PLA2R1: variants seen among roughly 807,000 people sequenced by gnomAD.
PLA2R1 encodes phospholipase A2 receptor 1.
Under a neutral mutation model 195.9 loss-of-function variants are expected in PLA2R1, and 158 were observed. The observed-to-expected ratio is 0.81, with a 90% CI of 0.71 to 0.92. The LOEUF is 0.92. Among genes scored for constraint, PLA2R1 ranks in the 40% least tolerant of loss-of-function variants. PLA2R1 has a pLI of 0.00. For synonymous variants in PLA2R1, 586 were observed against 598.2 expected, an observed-to-expected ratio of 0.98 and a Z score of 0.30; for missense variants, 1,626 against 1,764.6, an observed-to-expected ratio of 0.92 and a Z score of 1.41.
intron 6 of PLA2R1, among the ~76,000 whole-genome samples, chr2:160,024,702 C>T (rs1023175389): frequency 6.6e-6 from 1 of 152,156 alleles, no homozygotes; most frequent in African/African-American, 2.4e-5. Context: ...TGATGTGGTA[C>T]CCTGCATCCA....
At chr2:160,004,135 G>A (rs185202853) in intron 11 of PLA2R1, among the ~76,000 whole-genome samples, 17 of 152,242 alleles carry the variant, frequency 1.1e-4, no homozygotes, top group African/African-American at 3.4e-4. Flanking sequence ...AAGATGTAAC[G>A]GAGTACTTCC....
intron 1 of PLA2R1, among the ~76,000 whole-genome samples, chr2:160,053,579 C>A (rs1695350541): frequency 6.6e-6 from 1 of 152,198 alleles, no homozygotes; most frequent in Non-Finnish European, 1.5e-5. Flanking sequence ...TCCCACTCAG[C>A]CCTCGCAGAA....
intron 6 of PLA2R1, among the ~76,000 whole-genome samples, chr2:160,023,486 A>G (rs897599740): frequency 3.3e-5 from 5 of 152,208 alleles, no homozygotes; most frequent in Admixed American, 6.5e-5. Context: ...GTTACCCTAC[A>G]TGGTCTAAAA....
chr2:160,010,965 A>G lies in PLA2R1; in HGVS notation c.1664+2298T>C, dbSNP rs536795655. ...GGCTTGGCGGGTGACCAGGCAGCACACCAGCACAGGGCAATCTGGACAGGC... is the reference window on the plus strand; with the variant it reads ...GGCTTGGCGGGTGACCAGGCAGCACGCCAGCACAGGGCAATCTGGACAGGC... On this transcript the variant is annotated intron_variant, in intron 10 of 29. Transcript: ENST00000283243. Among the ~76,000 whole-genome samples the G allele has an allele frequency of 1.8e-4, 28 of 152,326 alleles. No homozygotes were observed. The South Asian group carries it at 5.8e-3, about 32-fold the overall frequency.
chr2:159,966,766 T>C (rs530087642), intron 20 of PLA2R1, among the ~76,000 whole-genome samples: 1 of 152,294 alleles, frequency 6.6e-6, no homozygotes, highest in East Asian at 1.9e-4. Flanking sequence ...TGACACAGTT[T>C]GGGTTTTTTA....
intron 10 of PLA2R1, among the ~76,000 whole-genome samples, chr2:160,007,317 G>A (rs566100787): frequency 2.6e-4 from 39 of 152,276 alleles, no homozygotes; most frequent in Admixed American, 9.1e-4. Flanking sequence ...AGAAGGGCGG[G>A]GTCCCTGGTT....
rs1687054235 is a variant in PLA2R1, at chr2:159,940,874, T to G, written c.*904A>C. On this transcript the variant is annotated 3_prime_UTR_variant, in exon 30 of 30. Transcript: ENST00000283243. ...TTCTAATGAGACTATAATTCAGATCTTTAGCTCTTCTCCTTTAAATCCAAG... is the reference window on the plus strand; with the variant it reads ...TTCTAATGAGACTATAATTCAGATCGTTAGCTCTTCTCCTTTAAATCCAAG... 2 of 152,192 alleles carry G rather than the reference T, an allele frequency of 1.3e-5. No individual in the cohort carries two copies. The highest frequency in any genetic ancestry group is 4.1e-4 in the South Asian group (2 of 4,834). The allele number at this position is 152,192 out of a possible 1,614,324, so 9.4% of individuals were successfully genotyped here. A position where few individuals can be genotyped will look rare whatever the true frequency, so the allele number is the denominator to read the frequency against.
rs56365741 is a variant in PLA2R1 at position 160,025,588 on chromosome 2, CAA to C, written c.1099+2628_1099+2629del. ...TGTAAGCCACATGGTAACCATAAAG[CAA>C]AAAAAAAAAAAAAAAAAAAACTATA... On this transcript the variant is annotated intron_variant, in intron 6 of 29. Transcript: ENST00000283243. 8.9e-3 allele frequency among the ~76,000 whole-genome samples: 469 copies of C among 52,828 alleles called. 1 individual carries two copies. Among genetic ancestry groups the C allele is most frequent in the African/African-American group, 0.03 (341 of 11,396 alleles). 34.7% of individuals were successfully genotyped at this position (52,828 alleles called of 152,430 possible).
At chr2:160,048,972 C>T (rs1695055447) in intron 1 of PLA2R1, among the ~76,000 whole-genome samples, 1 of 150,210 alleles carries the variant, frequency 6.7e-6, no homozygotes, top group African/African-American at 2.4e-5. Flanking sequence ...TCCCAAGTAG[C>T]TGGGACTACA....
chr2:159,924,682 A>C, the PLA2R1 span, among the ~76,000 whole-genome samples: 2 of 139,448 alleles, frequency 1.4e-5, no homozygotes, highest in Non-Finnish European at 3.1e-5. Flanking sequence ...AGTACTGCTA[A>C]GGAAAGACCA....
chr2:159,945,871 A>G, intron 27 of PLA2R1: 2 of 893,600 alleles, frequency 2.2e-6, no homozygotes, highest in Non-Finnish European at 2.7e-6. Flanking sequence ...TTAGGTTATC[A>G]TGTTTCTTAA....
At chr2:159,987,029 C>T in intron 12 of PLA2R1, 127 bp downstream of exon 12, 1 of 653,014 alleles carries the variant, frequency 1.5e-6, no homozygotes. Flanking sequence ...GTTGATTAAG[C>T]ACCTGCTGTC....
At chr2:160,032,855 A>T (rs1693941637) in intron 4 of PLA2R1, 104 bp downstream of exon 4, 10 of 977,466 alleles carry the variant, frequency 1.0e-5, no homozygotes, top group South Asian at 7.8e-5. Flanking sequence ...AAAGAAAAAT[A>T]TTTTTTAAGA....
chr2:159,987,096 A>G (rs1690399526), intron 12 of PLA2R1, 60 bp downstream of exon 12: 2 of 1,320,060 alleles, frequency 1.5e-6, no homozygotes, highest in Non-Finnish European at 1.1e-6. Flanking sequence ...TTTGGGATAC[A>G]TGGATCAAAT....
At chr2:159,958,782 T>C (rs1688261725) in intron 20 of PLA2R1, among the ~76,000 whole-genome samples, 1 of 152,204 alleles carries the variant, frequency 6.6e-6, no homozygotes, top group African/African-American at 2.4e-5. Flanking sequence ...GGGATTGCTA[T>C]TGGCAACTAA....
At chr2:160,045,248 T>G in intron 1 of PLA2R1, 91 bp from the exon 2 acceptor site, 1 of 956,280 alleles carries the variant, frequency 1.0e-6, no homozygotes, top group Non-Finnish European at 1.6e-6. Context: ...AAGTGCGATA[T>G]GCGACAGTTG....
Position 159,979,899 on chromosome 2 carries a change from C to T in PLA2R1, c.2199G>A (p.Gln733=), listed in dbSNP as rs1373688549. 2 of 1,602,932 alleles carry T rather than the reference C, an allele frequency of 1.2e-6. No homozygotes were observed. The highest frequency in any genetic ancestry group is 1.3e-5 in the African/African-American group (1 of 74,618). ...HSKFNWTEER[Q]FWIGFNKRNP... ...TTCTTTTATTAAATCCAATCCAGAA[C>T]TGCCTTTCTTCTGTCCTGTAAAGAG... The change falls in exon 14 of 30, where the codon CAG becomes CAA. Residue 733 remains glutamine, a synonymous_variant. Transcript: ENST00000283243.
rs1434586957 is a variant in PLA2R1, at chr2:160,062,284, G to A, written c.109+11C>T. 18 of 1,452,514 alleles carry A rather than the reference G, an allele frequency of 1.2e-5. No individual in the cohort carries two copies. The East Asian group carries it at 4.6e-4, about 37-fold the overall frequency. The allele number at this position is 1,452,514 out of a possible 1,614,324, so 90.0% of individuals were successfully genotyped here. A position where few individuals can be genotyped will look rare whatever the true frequency, so the allele number is the denominator to read the frequency against. On this transcript the variant is annotated intron_variant, in intron 1 of 29. Coordinates refer to ENST00000283243, the MANE Select transcript of PLA2R1 (RefSeq NM_007366.5). The stretch of plus-strand genomic sequence containing the variant: ...ACGTACCGATCCAGTCCCCGACCCT[G>A]GGAGACTCACCCTGCCACTCCAGGA...
intron 17 of PLA2R1, among the ~76,000 whole-genome samples, chr2:159,972,981 G>A (rs1689285551): frequency 6.6e-6 from 1 of 152,098 alleles, no homozygotes; most frequent in South Asian, 2.1e-4. Flanking sequence ...TTTTGACACT[G>A]CAACTAACTG....
Sources: allele counts gnomAD v4.1 joint callset (sites outside exome capture counted in the v4.1 genomes callset), GRCh38; gene constraint gnomAD v4.1.1; transcripts MANE v1.5; gene names NCBI Gene and HGNC (gene_info 2026-07-23, HGNC 2026-07-21).